The following AKAP19 variants were observed in gnomAD, a reference collection of about 807,000 sequenced individuals.
AKAP19 encodes A-kinase anchoring protein 19, also known as small A-kinase anchoring protein.
the AKAP19 span, among the ~76,000 whole-genome samples, chr2:190,038,901 T>TTTCTTTCTTCTTCTTC: frequency 3.5e-3 from 163 of 45,992 alleles, no homozygotes; most frequent in Non-Finnish European, 4.4e-3. Flanking sequence ...TCTTTCTTTC[T>TTTCTTTCTTCTTCTTC]TTCTTCTTCT....
chr2:190,062,591 T>C, the AKAP19 span: 1 of 1,611,486 alleles, frequency 6.2e-7, no homozygotes, highest in Non-Finnish European at 8.5e-7. Context: ...GTTGCAGTTT[T>C]TGCATGATTT....
chr2:190,092,335 C>A, the AKAP19 span, among the ~76,000 whole-genome samples: 3 of 151,820 alleles, frequency 2.0e-5, no homozygotes, highest in African/African-American at 7.3e-5. Flanking sequence ...GTCAAAATGA[C>A]CTTGATATTA....
chr2:189,940,444 AAAG>A, the AKAP19 span, among the ~76,000 whole-genome samples: 1 of 151,328 alleles, frequency 6.6e-6, no homozygotes, highest in Non-Finnish European at 1.5e-5. Flanking sequence ...GAAAAAAAGA[AAAG>A]AAAATACACA....
At chr2:189,926,740 C>T in the AKAP19 span, among the ~76,000 whole-genome samples, 18 of 150,412 alleles carry the variant, frequency 1.2e-4, no homozygotes, top group African/African-American at 4.2e-4. Flanking sequence ...GCCACCATGC[C>T]CGGCTAATTT....
At chr2:189,964,174 T>G in the AKAP19 span, among the ~76,000 whole-genome samples, 1 of 152,214 alleles carries the variant, frequency 6.6e-6, no homozygotes, top group African/African-American at 2.4e-5. Context: ...CTTGTACATC[T>G]CCATCAGAGC....
At chr2:190,000,491 TG>T in the AKAP19 span, among the ~76,000 whole-genome samples, 1 of 152,224 alleles carries the variant, frequency 6.6e-6, no homozygotes, top group Non-Finnish European at 1.5e-5. Context: ...TATATCCATT[TG>T]GTGTAGGTAA....
chr2:189,902,780 A>T, the AKAP19 span, among the ~76,000 whole-genome samples: 1 of 149,574 alleles, frequency 6.7e-6, no homozygotes. Context: ...TTCATGATTC[A>T]TTTTTTTTTG....
At chr2:190,120,622 T>C in the AKAP19 span, among the ~76,000 whole-genome samples, 2 of 152,180 alleles carry the variant, frequency 1.3e-5, no homozygotes, top group African/African-American at 2.4e-5. Context: ...ATTCCCTATG[T>C]TTTTGATGCT....
the AKAP19 span, among the ~76,000 whole-genome samples, chr2:190,042,941 T>C: frequency 3.9e-5 from 6 of 152,228 alleles, no homozygotes; most frequent in Admixed American, 3.9e-4. Flanking sequence ...TTATTTCTCC[T>C]TCACTTAAGA....
chr2:190,018,676 C>G, the AKAP19 span, among the ~76,000 whole-genome samples: 2 of 152,090 alleles, frequency 1.3e-5, no homozygotes, highest in Non-Finnish European at 2.9e-5. Context: ...TTATTATTTC[C>G]TTTTGGAGGA....
the AKAP19 span, chr2:189,923,729 C>A: frequency 1.4e-5 from 22 of 1,613,598 alleles, no homozygotes; most frequent in Non-Finnish European, 1.8e-5. Context: ...ACGTGTACCT[C>A]CTCCTCCTCC....
chr2:190,089,550 T>A, the AKAP19 span: 1 of 152,144 alleles, frequency 6.6e-6, no homozygotes, highest in Non-Finnish European at 1.5e-5. Context: ...TACTCCTCCA[T>A]AGTTAACTTG....
At chr2:189,945,342 C>T in the AKAP19 span, among the ~76,000 whole-genome samples, 1 of 152,150 alleles carries the variant, frequency 6.6e-6, no homozygotes, top group African/African-American at 2.4e-5. Flanking sequence ...GGCCAATAGC[C>T]AGCAGAGAAT....
At chr2:190,139,826 A>G in the AKAP19 span, among the ~76,000 whole-genome samples, 1 of 152,152 alleles carries the variant, frequency 6.6e-6, no homozygotes, top group Non-Finnish European at 1.5e-5. Flanking sequence ...GTCACATTTC[A>G]AAACACAATC....
At chr2:190,194,485 C>CACAA in the AKAP19 span, among the ~76,000 whole-genome samples, 1 of 129,428 alleles carries the variant, frequency 7.7e-6, no homozygotes, top group Admixed American at 7.3e-5. Context: ...TATACACACA[C>CACAA]ACACACACAC....
At chr2:189,954,187 G>A in the AKAP19 span, among the ~76,000 whole-genome samples, 1 of 152,196 alleles carries the variant, frequency 6.6e-6, no homozygotes, top group South Asian at 2.1e-4. Flanking sequence ...GTATAAACAA[G>A]TGGCACACCT....
At chr2:190,196,724 C>T in the AKAP19 span, among the ~76,000 whole-genome samples, 1 of 152,136 alleles carries the variant, frequency 6.6e-6, no homozygotes, top group Non-Finnish European at 1.5e-5. Context: ...GGTCCATAGG[C>T]TGGCTATTTT....
At chr2:190,131,701 G>C in the AKAP19 span, among the ~76,000 whole-genome samples, 103 of 152,322 alleles carry the variant, frequency 6.8e-4, no homozygotes, top group African/African-American at 2.4e-3. Flanking sequence ...GGGCAGTCTT[G>C]TAGGATCAAA....
chr2:190,050,942 G>A, the AKAP19 span, among the ~76,000 whole-genome samples: 1 of 152,164 alleles, frequency 6.6e-6, no homozygotes. Context: ...TCTGTGTGAG[G>A]TCCGTGGAGA....
Sources: allele counts gnomAD v4.1 joint callset (sites outside exome capture counted in the v4.1 genomes callset), GRCh38; gene constraint gnomAD v4.1.1; transcripts MANE v1.5; gene names NCBI Gene and HGNC (gene_info 2026-07-23, HGNC 2026-07-21).